Variants in EPAS1 observed in about 807,000 individuals in gnomAD.
EPAS1 encodes endothelial PAS domain protein 1, also known as endothelial PAS domain-containing protein 1.
EPAS1 carries 23 observed loss-of-function variants against 87.9 expected under a neutral mutation model. The observed-to-expected ratio is 0.26, with a 90% CI of 0.19 to 0.37. EPAS1 has a LOEUF of 0.37. Among genes scored for constraint, EPAS1 ranks in the 10% least tolerant of loss-of-function variants. The pLI, the probability that EPAS1 is intolerant of heterozygous loss-of-function variation, is 1.00. For synonymous variants in EPAS1, 508 were observed against 444.3 expected (o/e 1.14, Z -1.80); for missense variants, 1,138 against 1,120.7 (o/e 1.02, Z -0.22).
chr2:46,362,471 T>G (rs1398868024), intron 6 of EPAS1, among the ~76,000 whole-genome samples: 1 of 152,124 alleles, frequency 6.6e-6, no homozygotes, highest in East Asian at 1.9e-4. Context: ...AGTTAGTGGC[T>G]GGGGGGCAGG....
At chr2:46,329,894 C>G (rs2104857040) in intron 1 of EPAS1, among the ~76,000 whole-genome samples, 1 of 152,312 alleles carries the variant, frequency 6.6e-6, no homozygotes, top group African/African-American at 2.4e-5. Context: ...GTCTGCATAG[C>G]TTCTGCCTGC....
chr2:46,362,953 AGTGGTGGTGGTGGTG>A (rs1159555840), intron 6 of EPAS1, among the ~76,000 whole-genome samples: 7 of 78,094 alleles, frequency 9.0e-5, no homozygotes, highest in Middle Eastern at 7.5e-3. Context: ...TGTAATTGTT[AGTGGTGGTGGTGGTG>A]GTGGTGGTAG....
chr2:46,353,691 C>T (rs1051466987), intron 2 of EPAS1, among the ~76,000 whole-genome samples: 2 of 152,186 alleles, frequency 1.3e-5, no homozygotes, highest in Non-Finnish European at 2.9e-5. Context: ...ATTGCATCAT[C>T]GCTTCAGCGG....
intron 11 of EPAS1, among the ~76,000 whole-genome samples, 176 bp downstream of exon 11, chr2:46,378,943 C>G (rs899413404): frequency 6.6e-6 from 1 of 152,204 alleles, no homozygotes; most frequent in Non-Finnish European, 1.5e-5. Context: ...TGTGGTCACC[C>G]CCTCCTCCCA....
chr2:46,325,208 G>A (rs1483726303), intron 1 of EPAS1, among the ~76,000 whole-genome samples: 1 of 152,220 alleles, frequency 6.6e-6, no homozygotes, highest in Non-Finnish European at 1.5e-5. Flanking sequence ...TTCTAGGTTA[G>A]AGTCTTAGAT....
intron 1 of EPAS1, 139 bp downstream of exon 1, chr2:46,298,076 G>T: frequency 9.1e-7 from 1 of 1,095,234 alleles, no homozygotes; most frequent in Non-Finnish European, 1.3e-6. Context: ...AGGGCTGTGA[G>T]GGGGAGAGCA....
chr2:46,330,915 ACC>A, intron 1 of EPAS1, among the ~76,000 whole-genome samples: 1 of 148,036 alleles, frequency 6.8e-6, no homozygotes, highest in Middle Eastern at 3.5e-3. Flanking sequence ...AACTGGGGAA[ACC>A]CTTGAGGAGT....
chr2:46,333,202 CA>C (rs1276670058), intron 1 of EPAS1, among the ~76,000 whole-genome samples: 2 of 152,174 alleles, frequency 1.3e-5, no homozygotes, highest in Non-Finnish European at 2.9e-5. Flanking sequence ...GCAATACCCC[CA>C]CAGCTGGGGG....
chr2:46,381,954 A>T (rs766499209), intron 13 of EPAS1, 21 bp from the exon 14 acceptor site: 1 of 1,560,582 alleles, frequency 6.4e-7, no homozygotes, highest in Admixed American at 1.8e-5. Context: ...TCCCCTTTCC[A>T]TCTGCCCTTC....
intron 1 of EPAS1, among the ~76,000 whole-genome samples, chr2:46,330,348 G>T (rs1319871562): frequency 6.6e-6 from 1 of 152,206 alleles, no homozygotes; most frequent in African/African-American, 2.4e-5. Context: ...TACACGTAGA[G>T]CTAGGCACAC....
chr2:46,341,034 A>G (rs1683901429), intron 1 of EPAS1, among the ~76,000 whole-genome samples: 1 of 151,976 alleles, frequency 6.6e-6, no homozygotes, highest in South Asian at 2.1e-4. Context: ...TTCTGTTTTC[A>G]CTATCTAACA....
At chr2:46,299,243 G>C (rs780533131) in intron 1 of EPAS1, among the ~76,000 whole-genome samples, 1 of 152,228 alleles carries the variant, frequency 6.6e-6, no homozygotes, top group East Asian at 1.9e-4. Flanking sequence ...TTGATAAACG[G>C]GAGCGAATCG....
chr2:46,310,940 G>A (rs1191281478), intron 1 of EPAS1, among the ~76,000 whole-genome samples: 4 of 152,238 alleles, frequency 2.6e-5, no homozygotes, highest in Middle Eastern at 3.4e-3. Flanking sequence ...GCAGTGGCAC[G>A]ATCTTGGCTC....
chr2:46,298,341 G>C (rs1175416607), intron 1 of EPAS1, among the ~76,000 whole-genome samples: 2 of 152,244 alleles, frequency 1.3e-5, no homozygotes, highest in African/African-American at 4.8e-5. Flanking sequence ...CAGCATCCAC[G>C]TCTCTATTTT....
At chr2:46,363,269 T>C (rs1231292325) in intron 6 of EPAS1, among the ~76,000 whole-genome samples, 3 of 152,126 alleles carry the variant, frequency 2.0e-5, no homozygotes, top group Non-Finnish European at 4.4e-5. Flanking sequence ...TGGGAGCATA[T>C]ATAGTGCTGG....
At chr2:46,382,685 G>A in intron 15 of EPAS1, 87 bp downstream of exon 15, 1 of 1,546,044 alleles carries the variant, frequency 6.5e-7, no homozygotes, top group Admixed American at 1.9e-5. Context: ...CGTCTGCACA[G>A]TGCCAGGCAC....
Position 46,297,957 on chromosome 2 carries a change from G to T in EPAS1, c.26+20G>T, listed in dbSNP as rs778903583. 1 of 1,611,392 alleles carries T rather than the reference G, an allele frequency of 6.2e-7. No homozygotes were observed. The highest frequency in any genetic ancestry group is 2.2e-5 in the East Asian group (1 of 44,786). Reference sequence around the variant, plus strand: ...GAAAAGGTAAGCGGGCGTCCGGGCCGATCAGGGGGCCGGTCCGAGGCCAGG... The same window carrying T: ...GAAAAGGTAAGCGGGCGTCCGGGCCTATCAGGGGGCCGGTCCGAGGCCAGG... On this transcript the variant is annotated intron_variant, in intron 1 of 15. Coordinates refer to ENST00000263734, the MANE Select transcript of EPAS1 (RefSeq NM_001430.5).
chr2:46,321,700 C>T (rs1683456945), intron 1 of EPAS1, among the ~76,000 whole-genome samples: 1 of 151,898 alleles, frequency 6.6e-6, no homozygotes, highest in Non-Finnish European at 1.5e-5. Context: ...ACCCCCGCAC[C>T]CCCACAACAG....
In EPAS1 at chr2:46,380,330, C is replaced by A. The variant is rs201311893; in HGVS notation, c.1658C>A (p.Ala553Glu). ...ATCTGCCCCGAGGAGCGGCTCTTGG[C>A]GGAGAACCCACAGTCCACCCCCCAG... ...SPICPEERLL[A>E]ENPQSTPQHC... The change falls in exon 12 of 16, where the codon GCG becomes GAG. Residue 553 changes from alanine (A) to glutamate (E), a missense_variant. Transcript: ENST00000263734. The surrounding 1 kb of genome is among the most constrained non-coding windows in gnomAD (Gnocchi z 4.4). 2 of 1,614,070 alleles carry A rather than the reference C, an allele frequency of 1.2e-6. No homozygotes were observed. The highest frequency in any genetic ancestry group is 1.7e-6 in the Non-Finnish European group (2 of 1,180,006).
Sources: gnomAD v4.1 joint callset for allele counts (sites outside exome capture counted in the v4.1 genomes callset) on GRCh38, gnomAD v4.1.1 for gene constraint, Gnocchi (gnomAD v3.1) non-coding constraint, MANE v1.5 for transcripts, NCBI Gene and HGNC (gene_info 2026-07-23, HGNC 2026-07-21) for gene names.